Variants in ABCA4 observed in about 807,000 individuals in gnomAD.
ABCA4 encodes the protein ATP binding cassette subfamily A member 4, also known as retinal-specific phospholipid-transporting ATPase ABCA4.
Under a neutral mutation model 263.7 loss-of-function variants are expected in ABCA4, and 196 were observed. The observed-to-expected ratio is 0.74, with a 90% CI of 0.66 to 0.84. The LOEUF (loss-of-function observed/expected upper bound fraction) is 0.84, where lower values mean the gene tolerates loss of function less well. Among genes scored for constraint, ABCA4 ranks in the 40% least tolerant of loss-of-function variants. The probability of loss-of-function intolerance (pLI) is 0.00; values close to 1 mark genes in which losing one functional copy is unlikely to be tolerated. For missense variants in ABCA4, 2,792 were observed against 2,855.1 expected (o/e 0.98, Z 0.50); for synonymous variants, 1,133 against 1,094.2 (o/e 1.04, Z -0.70).
Position 94,078,608 on chromosome 1 carries a change from T to C in ABCA4, c.1338A>G (p.Thr446=). The C allele has an allele frequency of 7.6e-7, 1 of 1,321,824 alleles. No individual in the cohort carries two copies. Among genetic ancestry groups the C allele is most frequent in the African/African-American group, 1.6e-5 (1 of 64,462 alleles). 81.9% of individuals were successfully genotyped at this position (1,321,824 alleles called of 1,614,324 possible). A position where few individuals can be genotyped will look rare whatever the true frequency, so the allele number is the denominator to read the frequency against. The change falls in exon 10 of 50, where the codon ACA becomes ACG. Residue 446 remains threonine (T), a synonymous_variant. Coordinates refer to ENST00000370225, the MANE Select transcript of ABCA4 (RefSeq NM_000350.3). Reference sequence around the variant, plus strand: ...CCCTTACTCTGATCATGTTCATCTGTGTGCTGTTGTCAAAGAAGTACCAGA... The same window carrying C: ...CCCTTACTCTGATCATGTTCATCTGCGTGCTGTTGTCAAAGAAGTACCAGA... ...PQIWYFFDNS[T]QMNMIRDTLG... is the part of the protein sequence containing the mutation.
At chr1:94,023,041 G>A (rs1418990577) in intron 32 of ABCA4, among the ~76,000 whole-genome samples, 1 of 152,190 alleles carries the variant, frequency 6.6e-6, no homozygotes. Flanking sequence ...AAAAGGAATG[G>A]GCCAAGGAGT....
At chr1:94,108,841 C>A in intron 3 of ABCA4, 125 bp from the exon 4 acceptor site, 1 of 1,192,940 alleles carries the variant, frequency 8.4e-7, no homozygotes, top group Non-Finnish European at 1.2e-6. Context: ...GGCGTGATCT[C>A]GGCTCACTGC....
intron 30 of ABCA4, 43 bp from the exon 31 acceptor site, chr1:94,025,091 G>A: frequency 6.5e-7 from 1 of 1,529,620 alleles, no homozygotes; most frequent in Non-Finnish European, 9.1e-7. Context: ...TGGAACTTGA[G>A]GACTTATAAG....
intron 47 of ABCA4, 146 bp from the exon 48 acceptor site, chr1:93,998,256 A>G: frequency 1.9e-6 from 2 of 1,071,652 alleles, no homozygotes; most frequent in South Asian, 1.3e-5. Context: ...TTTGGGAGGT[A>G]GAGGTGGGAG....
intron 36 of ABCA4, chr1:94,018,661 C>T (rs996716332): frequency 2.0e-5 from 9 of 449,578 alleles, no homozygotes; most frequent in African/African-American, 8.0e-5. Flanking sequence ...AATGGAGGCT[C>T]ATGTTGGTCT....
intron 1 of ABCA4, among the ~76,000 whole-genome samples, chr1:94,113,841 G>A (rs780463912): frequency 5.9e-5 from 9 of 152,208 alleles, no homozygotes; most frequent in South Asian, 2.1e-4. Flanking sequence ...TTTAAATTTC[G>A]GTTCCATTTG....
intron 1 of ABCA4, among the ~76,000 whole-genome samples, chr1:94,120,029 C>T (rs1662907174): frequency 6.6e-6 from 1 of 152,170 alleles, no homozygotes; most frequent in Admixed American, 6.5e-5. Context: ...TAGTCATCGG[C>T]ATTTGCACAA....
chr1:94,049,728 G>T (rs1471306441), intron 17 of ABCA4, among the ~76,000 whole-genome samples: 1 of 152,118 alleles, frequency 6.6e-6, no homozygotes, highest in South Asian at 2.1e-4. Context: ...ACCTAGATGG[G>T]CATTTAAGTA....
intron 44 of ABCA4, among the ~76,000 whole-genome samples, chr1:94,002,227 T>C (rs1360193512): frequency 6.6e-6 from 1 of 152,152 alleles, no homozygotes. Context: ...ATCTGTTGGG[T>C]GTAGCCGCCT....
rs1460131190 is a variant in ABCA4, at chr1:94,008,243, G to A, written c.5890C>T (p.Pro1964Ser). The A allele has an allele frequency of 3.7e-6, 6 of 1,614,084 alleles. No homozygotes were observed. The South Asian group carries it at 6.6e-5, about 18-fold the overall frequency. The change falls in exon 42 of 50, where the codon CCT becomes TCT. Residue 1964 changes from proline to serine, a missense_variant. Coordinates refer to ENST00000370225, the MANE Select transcript of ABCA4 (RefSeq NM_000350.3). ...GTCTGCAGAGTACCCACCTCTCCAG[G>A]GCGAACTCCGACACACAGCCTGTCC... ...AVDRLCVGVR[P>S]GECFGLLGVN...
chr1:94,004,014 C>T (rs569825038), intron 44 of ABCA4, among the ~76,000 whole-genome samples: 2 of 152,254 alleles, frequency 1.3e-5, no homozygotes, highest in South Asian at 4.2e-4. Context: ...CTATGCCATT[C>T]CAGCCCTGGA....
rs139238191 is a variant in ABCA4, at chr1:94,056,648, A to G, written c.2335T>C (p.Cys779Arg). ...GTCATGCGGTCCTGCCAGGCGAAGCACAGGATGTGTGGCAGGTAGAGGGTG... is the reference window on the plus strand; with the variant it reads ...GTCATGCGGTCCTGCCAGGCGAAGCGCAGGATGTGTGGCAGGTAGAGGGTG... ...YFTLYLPHIL[C>R]FAWQDRMTAE... Residue 779 changes from cysteine (C) to arginine (R), a missense_variant, in exon 15 of 50, where the codon TGC becomes CGC. Cys to Arg is a radical substitution (Grantham distance 180). Transcript: ENST00000370225. 6.2e-7 allele frequency: 1 copy of G among 1,613,854 alleles called. No homozygotes were observed. The highest frequency in any genetic ancestry group is 8.5e-7 in the Non-Finnish European group (1 of 1,180,040).
chr1:94,079,679 G>A (rs913083063), intron 8 of ABCA4, among the ~76,000 whole-genome samples: 2 of 152,158 alleles, frequency 1.3e-5, no homozygotes, highest in South Asian at 4.1e-4. Context: ...GAGAAACAAA[G>A]GATGCGACTT....
At chr1:94,107,830 C>G (rs544828967) in intron 4 of ABCA4, among the ~76,000 whole-genome samples, 72 of 152,314 alleles carry the variant, frequency 4.7e-4, no homozygotes, top group Non-Finnish European at 9.6e-4. Context: ...AGCCATTAAC[C>G]TTTTCATCTT....
chr1:94,080,705 G>T lies in ABCA4; in HGVS notation c.872C>A (p.Pro291Gln). 1 of 1,614,084 alleles carries T rather than the reference G, an allele frequency of 6.2e-7. No homozygotes were observed. The highest frequency in any genetic ancestry group is 8.5e-7 in the Non-Finnish European group (1 of 1,180,030). ...SPRIQEFIHR[P>Q]SMQDLLWVTR... ...CACCCACAGCAAGTCCTGCATACTC[G>T]GCCGATGGATAAACTAGGGCAAGGC... The change falls in exon 8 of 50, where the codon CCG becomes CAG. Residue 291 changes from proline to glutamine, a missense_variant. By Grantham distance (76) the Pro-to-Gln change is moderately conservative. Coordinates refer to ENST00000370225, the MANE Select transcript of ABCA4 (RefSeq NM_000350.3).
chr1:94,006,271 G>A (rs1266647522), intron 43 of ABCA4, among the ~76,000 whole-genome samples: 1 of 145,576 alleles, frequency 6.9e-6, no homozygotes, highest in Non-Finnish European at 1.5e-5. Context: ...AATGACAAAA[G>A]CCACCAAAGG....
In ABCA4 at chr1:94,056,830, C is replaced by A; in HGVS notation, c.2161-8G>T. 1 of 1,589,432 alleles carries A rather than the reference C, an allele frequency of 6.3e-7. No individual in the cohort carries two copies. The highest frequency in any genetic ancestry group is 2.3e-5 in the East Asian group (1 of 43,186). On this transcript the variant is annotated splice_polypyrimidine_tract_variant and splice_region_variant and intron_variant, in intron 14 of 49. Coordinates refer to ENST00000370225, the MANE Select transcript of ABCA4 (RefSeq NM_000350.3). ...ATGTAGGATTCTTCCATGCTGAAACCAAGAGGCCATGCGTCAGTAACTCCT... is the reference window on the plus strand; with the variant it reads ...ATGTAGGATTCTTCCATGCTGAAACAAAGAGGCCATGCGTCAGTAACTCCT...
chr1:94,098,483 G>A (rs1662192566), intron 6 of ABCA4, among the ~76,000 whole-genome samples: 1 of 152,170 alleles, frequency 6.6e-6, no homozygotes, highest in East Asian at 1.9e-4. Context: ...GCAGGTCAGG[G>A]AGTCAAACCA....
chr1:93,996,319 TC>T, intron 48 of ABCA4, 124 bp from the exon 49 acceptor site: 1 of 798,680 alleles, frequency 1.3e-6, no homozygotes, highest in East Asian at 2.6e-5. Context: ...ATGGCTTGTG[TC>T]CTACCCGGGG....
Sources: allele counts gnomAD v4.1 joint callset (sites outside exome capture counted in the v4.1 genomes callset), GRCh38; gene constraint gnomAD v4.1.1; transcripts MANE v1.5; gene names NCBI Gene and HGNC (gene_info 2026-07-23, HGNC 2026-07-21).